Variants in GNAL observed in about 807,000 individuals in gnomAD.
GNAL encodes the protein G protein subunit alpha L.
In GNAL, 18 loss-of-function variants were observed where a neutral mutation model predicts 55.1. The ratio of observed to expected loss-of-function variants is 0.33; its 90% CI spans 0.23 to 0.48. The LOEUF is 0.48. Ranked by LOEUF, GNAL falls within the 20% of genes least tolerant of loss-of-function variation. The probability of loss-of-function intolerance (pLI) is 0.99; values close to 1 mark genes in which losing one functional copy is unlikely to be tolerated. For synonymous variants in GNAL, 253 were observed against 237.0 expected (o/e 1.07, Z -0.62); for missense variants, 412 against 614.1 (o/e 0.67, Z 3.48).
intron 4 of GNAL, among the ~76,000 whole-genome samples, chr18:11,817,200 G>A (rs1422428564): frequency 6.6e-6 from 1 of 152,192 alleles, no homozygotes; most frequent in East Asian, 1.9e-4. Flanking sequence ...GGGGTATATT[G>A]CAAATTTGTA....
chr18:11,784,726 G>A (rs1301320724), intron 4 of GNAL, among the ~76,000 whole-genome samples: 1 of 152,078 alleles, frequency 6.6e-6, no homozygotes, highest in African/African-American at 2.4e-5. Flanking sequence ...TAAAAGAAAT[G>A]GAGAAAGATT....
intron 4 of GNAL, among the ~76,000 whole-genome samples, chr18:11,756,544 A>G (rs2033062762): frequency 6.6e-6 from 1 of 151,454 alleles, no homozygotes; most frequent in South Asian, 2.1e-4. Flanking sequence ...ATATTTATAT[A>G]TTTTTAACAT....
At position 11,695,896 on chromosome 18, in the gene GNAL, A is replaced by C. The variant is rs553687738; in HGVS notation, c.376+5957A>C. On this transcript the variant is annotated intron_variant, in intron 1 of 11. Transcript: ENST00000334049. ...CTGTCAGAGGAAGTGCCTGGTGCAC[A>C]CATGCTCAGACATGCATGCACGCAT... Among the ~76,000 whole-genome samples, 17 of 151,368 alleles carry C rather than the reference A, an allele frequency of 1.1e-4. 1 individual carries two copies. In the East Asian group the frequency reaches 2.9e-3, roughly 26 times the overall value.
chr18:11,712,129 C>G (rs1294026903), intron 1 of GNAL, among the ~76,000 whole-genome samples: 1 of 152,260 alleles, frequency 6.6e-6, no homozygotes. Flanking sequence ...CCACAGCAAA[C>G]CAACTGCCCC....
At chr18:11,856,212 T>C (rs956603886) in intron 5 of GNAL, among the ~76,000 whole-genome samples, 1 of 151,354 alleles carries the variant, frequency 6.6e-6, no homozygotes. Flanking sequence ...CTGTTTTTGT[T>C]TTTGTGTTGA....
intron 5 of GNAL, among the ~76,000 whole-genome samples, chr18:11,839,612 C>T (rs868751640): frequency 1.9e-4 from 28 of 149,208 alleles, no homozygotes; most frequent in African/African-American, 6.7e-4. Flanking sequence ...CATAATATCT[C>T]TTCATAGCAG....
At chr18:11,738,631 T>G (rs1049698118) in intron 1 of GNAL, among the ~76,000 whole-genome samples, 8 of 152,100 alleles carry the variant, frequency 5.3e-5, no homozygotes, top group African/African-American at 1.9e-4. Flanking sequence ...GTATTTTCAC[T>G]GGAAATAGGG....
rs554091045 is a variant in GNAL, at chr18:11,852,166, T to C, written c.723-10229T>C. 1.1e-5 allele frequency: 17 copies of C among 1,502,726 alleles called. 1 individual carries two copies. The African/African-American group carries it at 1.8e-4, about 16-fold the overall frequency. 93.1% of individuals were successfully genotyped at this position (1,502,726 alleles called of 1,614,324 possible). A position where few individuals can be genotyped will look rare whatever the true frequency, so the allele number is the denominator to read the frequency against. Reference sequence around the variant, plus strand: ...CATAGCCACCCTTTGAAATGCTCTCTGTGTGTTAGAGAGATACTATACCCT... The same window carrying C: ...CATAGCCACCCTTTGAAATGCTCTCCGTGTGTTAGAGAGATACTATACCCT... On this transcript the variant is annotated intron_variant, in intron 5 of 11. Transcript: ENST00000334049.
At chr18:11,857,638 G>A (rs1004181472) in intron 5 of GNAL, 1 of 985,408 alleles carries the variant, frequency 1.0e-6, no homozygotes, top group Non-Finnish European at 1.2e-6. Flanking sequence ...ATGAATCACT[G>A]ATCACCTGGG....
chr18:11,738,648 C>CCT (rs1397729108), intron 1 of GNAL, among the ~76,000 whole-genome samples: 1 of 152,068 alleles, frequency 6.6e-6, no homozygotes, highest in Non-Finnish European at 1.5e-5. Flanking sequence ...AGGGTTTCAC[C>CCT]GTGTTGGCCA....
chr18:11,759,512 C>T (rs1003288285), intron 4 of GNAL, among the ~76,000 whole-genome samples: 1 of 152,250 alleles, frequency 6.6e-6, no homozygotes, highest in African/African-American at 2.4e-5. Context: ...GTGAGAGCTA[C>T]TCTGTCACTT....
At chr18:11,693,255 T>G (rs1286682095) in intron 1 of GNAL, among the ~76,000 whole-genome samples, 3 of 152,202 alleles carry the variant, frequency 2.0e-5, no homozygotes, top group Non-Finnish European at 1.5e-5. Flanking sequence ...AAGAATAGAA[T>G]GGTGAGCTCT....
intron 1 of GNAL, among the ~76,000 whole-genome samples, chr18:11,704,219 C>T (rs755145383): frequency 2.5e-4 from 38 of 152,274 alleles, no homozygotes; most frequent in Admixed American, 3.9e-4. Context: ...ACCCTAGACC[C>T]GTGGGTCATA....
intron 1 of GNAL, among the ~76,000 whole-genome samples, chr18:11,731,909 C>T (rs1378351772): frequency 6.6e-6 from 1 of 152,204 alleles, no homozygotes; most frequent in Non-Finnish European, 1.5e-5. Flanking sequence ...GCAGATTTGC[C>T]TATTCTGGAC....
At chr18:11,851,595 G>C (rs1567892083) in intron 5 of GNAL, 1 of 1,613,498 alleles carries the variant, frequency 6.2e-7, no homozygotes, top group South Asian at 1.1e-5. Context: ...GCGATAAGGA[G>C]GAAAAGGCCG....
At chr18:11,721,063 A>G (rs549935799) in intron 1 of GNAL, among the ~76,000 whole-genome samples, 20 of 152,338 alleles carry the variant, frequency 1.3e-4, no homozygotes, top group African/African-American at 4.3e-4. Context: ...TCTCTTCCAG[A>G]AAAGTGTTCA....
Position 11,689,518 on chromosome 18 carries a change from C to G in GNAL, c.-46C>G, listed in dbSNP as rs1006776567. 1.1e-5 allele frequency: 11 copies of G among 1,006,452 alleles called. No individual in the cohort carries two copies. In the African/African-American group the frequency reaches 1.8e-4, roughly 17 times the overall value. 62.3% of individuals were successfully genotyped at this position (1,006,452 alleles called of 1,614,324 possible). On this transcript the variant is annotated 5_prime_UTR_variant, in exon 1 of 12. Coordinates refer to ENST00000334049, the MANE Select transcript of GNAL (RefSeq NM_182978.4). ...CGGGAACCAGGCCGCCCTCGGCGCC[C>G]AGCCTGCCCTAGTCCCGCGCGCCGC... is the stretch of plus-strand genomic sequence containing the variant.
chr18:11,838,502 C>CA (rs1183049768), intron 5 of GNAL, among the ~76,000 whole-genome samples: 3 of 152,128 alleles, frequency 2.0e-5, no homozygotes, highest in Non-Finnish European at 4.4e-5. Flanking sequence ...GAATATACAA[C>CA]AAAAAAGTCA....
At chr18:11,692,830 T>C (rs1449182880) in intron 1 of GNAL, among the ~76,000 whole-genome samples, 1 of 151,962 alleles carries the variant, frequency 6.6e-6, no homozygotes, top group Non-Finnish European at 1.5e-5. Flanking sequence ...AATAAAAGAA[T>C]AGAGACAAGT....
Sources: allele counts gnomAD v4.1 joint callset (sites outside exome capture counted in the v4.1 genomes callset), GRCh38; gene constraint gnomAD v4.1.1; transcripts MANE v1.5; gene names NCBI Gene and HGNC (gene_info 2026-07-23, HGNC 2026-07-21).